Variants in ZFYVE26 observed in about 807,000 individuals in gnomAD.
ZFYVE26 encodes the protein zinc finger FYVE-type containing 26, also known as zinc finger FYVE domain-containing protein 26.
Under a neutral mutation model 276.5 loss-of-function variants are expected in ZFYVE26, and 181 were observed. That is an observed-to-expected ratio of 0.65 (90% CI 0.58 to 0.74). ZFYVE26 has a LOEUF of 0.74. ZFYVE26 is among the 30% of genes least tolerant of loss of function. ZFYVE26 has a pLI of 0.00. For synonymous variants in ZFYVE26, 1,129 were observed against 1,203.1 expected (o/e 0.94, Z 1.27); for missense variants, 2,821 against 3,097.9 (o/e 0.91, Z 2.12).
intron 35 of ZFYVE26, among the ~76,000 whole-genome samples, chr14:67,759,024 G>C (rs894804665): frequency 2.6e-5 from 4 of 151,738 alleles, no homozygotes; most frequent in Non-Finnish European, 5.9e-5. Flanking sequence ...CAGATCACAA[G>C]GTCAGGAGAT....
At chr14:67,813,193 C>A (rs1261169156) in intron 3 of ZFYVE26, among the ~76,000 whole-genome samples, 1 of 152,144 alleles carries the variant, frequency 6.6e-6, no homozygotes, top group Non-Finnish European at 1.5e-5. Context: ...TTTGTGGTTT[C>A]TTAAAGTCCA....
rs747621493 is a variant in ZFYVE26 at position 67,777,614 on chromosome 14, C to G, written c.4919G>C (p.Gly1640Ala). 1 of 1,614,048 alleles carries G rather than the reference C, an allele frequency of 6.2e-7. No homozygotes were observed. Among genetic ancestry groups the G allele is most frequent in the South Asian group, 1.1e-5 (1 of 91,064 alleles). ...LANYLTTHFY[G>A]QLTAVRHREI... ...ACGGTGTCGGACAGCAGTCAGTTGT[C>G]CATAGAAGTGGGTGGTGAGGTAGTT... The change falls in exon 25 of 42, where the codon GGA becomes GCA. Residue 1640 changes from glycine to alanine, a missense_variant. Transcript: ENST00000347230.
At chr14:67,813,372 A>G (rs1197223569) in intron 3 of ZFYVE26, among the ~76,000 whole-genome samples, 2 of 152,194 alleles carry the variant, frequency 1.3e-5, no homozygotes, top group African/African-American at 4.8e-5. Flanking sequence ...TCAATATGAA[A>G]ATGTCTCAGA....
chr14:67,773,534 C>A (rs1323560997), intron 27 of ZFYVE26, among the ~76,000 whole-genome samples: 148 of 117,794 alleles, frequency 1.3e-3, no homozygotes, highest in South Asian at 4.5e-3. Context: ...ATCCTGTCTC[C>A]AAAAAAAAAA....
At chr14:67,773,258 T>C (rs976936030) in intron 27 of ZFYVE26, among the ~76,000 whole-genome samples, 7 of 151,986 alleles carry the variant, frequency 4.6e-5, no homozygotes, top group Non-Finnish European at 8.8e-5. Context: ...TTTTCCATAA[T>C]AAAAACTCAT....
intron 26 of ZFYVE26, among the ~76,000 whole-genome samples, chr14:67,775,491 G>A (rs2039318494): frequency 6.6e-6 from 1 of 152,176 alleles, no homozygotes; most frequent in South Asian, 2.1e-4. Flanking sequence ...AAGAGGCTGA[G>A]TCAGCTCACA....
intron 39 of ZFYVE26, 143 bp from the exon 40 acceptor site, chr14:67,752,669 A>G: frequency 2.1e-6 from 2 of 935,714 alleles, no homozygotes; most frequent in Non-Finnish European, 3.3e-6. Flanking sequence ...AATATACCAA[A>G]CAAAAAGCAA....
intron 4 of ZFYVE26, among the ~76,000 whole-genome samples, 160 bp from the exon 5 acceptor site, chr14:67,808,080 C>T (rs536600572): frequency 6.6e-6 from 1 of 152,166 alleles, no homozygotes; most frequent in Non-Finnish European, 1.5e-5. Flanking sequence ...TTCTAAGGCC[C>T]TTTACACAGA....
chr14:67,813,559 T>A (rs2040342972), intron 3 of ZFYVE26, among the ~76,000 whole-genome samples: 1 of 152,186 alleles, frequency 6.6e-6, no homozygotes, highest in Non-Finnish European at 1.5e-5. Context: ...ATTATTAAAC[T>A]ATGAATTAAT....
intron 4 of ZFYVE26, 91 bp from the exon 5 acceptor site, chr14:67,808,011 C>T: frequency 6.8e-7 from 1 of 1,471,142 alleles, no homozygotes; most frequent in Non-Finnish European, 9.4e-7. Context: ...TTTCAGTTTA[C>T]TTATATAATA....
rs746033243 is a variant in ZFYVE26, at chr14:67,790,764, T to A, written c.2563A>T (p.Thr855Ser). 4.3e-6 allele frequency: 7 copies of A among 1,614,094 alleles called. No homozygotes were observed. Among genetic ancestry groups the A allele is most frequent in the Non-Finnish European group, 5.1e-6 (6 of 1,179,988 alleles). The change falls in exon 15 of 42, where the codon ACG (threonine) becomes TCG (serine). Residue 855 changes from threonine to serine, a missense_variant. Transcript: ENST00000347230. ...NFAEAHQVLFTFNLKSSPSSG... is the reference protein window; with the variant it reads ...NFAEAHQVLFSFNLKSSPSSG... ...CTGGGTGAGGACTTCAGGTTGAACGTGAACAGCACCTGTCATAGGAGAGGG... is the reference window on the plus strand; with the variant it reads ...CTGGGTGAGGACTTCAGGTTGAACGAGAACAGCACCTGTCATAGGAGAGGG...
intron 14 of ZFYVE26, 124 bp downstream of exon 14, chr14:67,793,484 T>G: frequency 9.0e-7 from 1 of 1,110,740 alleles, no homozygotes; most frequent in South Asian, 1.3e-5. Flanking sequence ...AACCCCCTCT[T>G]GCTTCTGCTT....
intron 3 of ZFYVE26, among the ~76,000 whole-genome samples, chr14:67,812,368 G>A (rs1322121705): frequency 6.6e-6 from 1 of 152,118 alleles, no homozygotes; most frequent in Non-Finnish European, 1.5e-5. Context: ...AAAAATGAAT[G>A]GAGGAAAGGG....
At chr14:67,809,118 C>G in intron 4 of ZFYVE26, 82 bp downstream of exon 4, 21 of 1,185,886 alleles carry the variant, frequency 1.8e-5, no homozygotes, top group South Asian at 2.4e-5. Context: ...ATCTTGGAGA[C>G]CTCTCTCTTC....
Position 67,805,581 on chromosome 14 carries a change from G to A in ZFYVE26, c.1055C>T (p.Pro352Leu). 6.2e-7 allele frequency: 1 copy of A among 1,614,144 alleles called. No individual in the cohort carries two copies. Among genetic ancestry groups the A allele is most frequent in the Non-Finnish European group, 8.5e-7 (1 of 1,180,014 alleles). ...TCTATCAAGTAGGCAGCCAAGATTT[G>A]GGAAGTCTTCTTCTTTCAACAATGT... ...ALTLLKEEDF[P>L]NLGCLLDREF... The change falls in exon 7 of 42, where the codon CCA (proline) becomes CTA (leucine). Residue 352 changes from proline (P) to leucine (L), a missense_variant. Transcript: ENST00000347230.
At chr14:67,781,300 C>T (rs1278868138) in intron 22 of ZFYVE26, 33 bp downstream of exon 22, 1 of 1,611,858 alleles carries the variant, frequency 6.2e-7, no homozygotes, top group Admixed American at 1.7e-5. Flanking sequence ...AGTGAGAAGC[C>T]CGTTCCCTTT....
At chr14:67,760,265 A>G (rs11158691) in intron 35 of ZFYVE26, among the ~76,000 whole-genome samples, 45,995 of 152,002 alleles carry the variant, frequency 0.3, 7,412 homozygotes, top group East Asian at 0.54. Context: ...ACTCAACTCC[A>G]TATAACATGA....
chr14:67,729,787 T>A (rs2038244074), exon 14 of ZFYVE26: 1 of 500,378 alleles, frequency 2.0e-6, no homozygotes, highest in South Asian at 1.5e-5. Flanking sequence ...CGGTGTGAAC[T>A]CTGTCCCTCA....
chr14:67,773,375 A>C (rs2039261052), intron 27 of ZFYVE26, among the ~76,000 whole-genome samples: 1 of 152,038 alleles, frequency 6.6e-6, no homozygotes, highest in Admixed American at 6.6e-5. Flanking sequence ...ACAAAGCAAG[A>C]TCCTGTCTCT....
Sources: gnomAD v4.1 joint callset for allele counts (sites outside exome capture counted in the v4.1 genomes callset) on GRCh38, gnomAD v4.1.1 for gene constraint, MANE v1.5 for transcripts, NCBI Gene and HGNC (gene_info 2026-07-23, HGNC 2026-07-21) for gene names.